Variants in GLDC observed in about 807,000 individuals in gnomAD.
The protein encoded by GLDC is glycine decarboxylase.
In GLDC, 104 loss-of-function variants were observed where a neutral mutation model predicts 121.3. The observed-to-expected ratio is 0.86, with a 90% CI of 0.73 to 1.01. The LOEUF is 1.01. Among genes scored for constraint, GLDC ranks in the 50% least tolerant of loss-of-function variants. GLDC has a pLI of 0.00. For synonymous variants in GLDC, 546 were observed against 480.6 expected, an observed-to-expected ratio of 1.14 and a Z score of -1.78; for missense variants, 1,429 against 1,306.6, an observed-to-expected ratio of 1.09 and a Z score of -1.44.
intron 3 of GLDC, among the ~76,000 whole-genome samples, chr9:6,611,321 GT>G (rs1355434286): frequency 1.3e-5 from 2 of 152,170 alleles, no homozygotes; most frequent in Non-Finnish European, 2.9e-5. Flanking sequence ...TACTTGGGAG[GT>G]CAAGGCGGGC....
At chr9:6,642,721 A>C (rs1372106799) in intron 2 of GLDC, among the ~76,000 whole-genome samples, 1 of 152,108 alleles carries the variant, frequency 6.6e-6, no homozygotes, top group African/African-American at 2.4e-5. Flanking sequence ...TGAAAAGAAC[A>C]CTTTATTTTA....
At chr9:6,610,784 C>T (rs543516061) in intron 3 of GLDC, among the ~76,000 whole-genome samples, 59 of 152,270 alleles carry the variant, frequency 3.9e-4, no homozygotes, top group African/African-American at 1.3e-3. Flanking sequence ...ATTCTTTGTA[C>T]AGCCAGGGTT....
intron 7 of GLDC, among the ~76,000 whole-genome samples, chr9:6,604,344 C>T (rs142087589): frequency 1.1e-4 from 17 of 152,090 alleles, no homozygotes; most frequent in Admixed American, 9.8e-4. Flanking sequence ...TAAGCAAATG[C>T]GTTACATGAC....
chr9:6,634,561 A>AC (rs1164717551), intron 2 of GLDC, among the ~76,000 whole-genome samples: 6 of 31,434 alleles, frequency 1.9e-4, no homozygotes, highest in Non-Finnish European at 2.7e-4. Flanking sequence ...ACAAAAAACA[A>AC]AAAAAAAACC....
intron 23 of GLDC, 55 bp from the exon 24 acceptor site, chr9:6,534,843 CCT>C: frequency 7.4e-6 from 7 of 941,002 alleles, no homozygotes; most frequent in South Asian, 1.3e-5. Flanking sequence ...CTCTTCTCCT[CCT>C]ACCCTGCACC....
At position 6,610,387 on chromosome 9, in the gene GLDC, C is replaced by A. The variant is rs753533072; in HGVS notation, c.471-31G>T. The A allele has an allele frequency of 3.7e-5, 59 of 1,611,350 alleles. 1 individual carries two copies. The South Asian group carries it at 6.4e-4, about 17-fold the overall frequency. ...AGGGAAACAAAAGGTCTTGTCCAAA[C>A]TGACTGCTGTTTAGAGAAGCACACA... On this transcript the variant is annotated intron_variant, in intron 3 of 24. Transcript: ENST00000321612.
At chr9:6,578,143 G>A (rs1248599266) in intron 15 of GLDC, among the ~76,000 whole-genome samples, 1 of 151,096 alleles carries the variant, frequency 6.6e-6, no homozygotes, top group Non-Finnish European at 1.5e-5. Flanking sequence ...TTTTTTTCGA[G>A]ACAGGATCTT....
chr9:6,638,924 G>A (rs867871022), intron 2 of GLDC, among the ~76,000 whole-genome samples: 11 of 152,008 alleles, frequency 7.2e-5, no homozygotes, highest in Admixed American at 2.6e-4. Flanking sequence ...CAGGAGAATC[G>A]CTTGAACCCA....
chr9:6,618,325 G>T (rs1394804203), intron 3 of GLDC, among the ~76,000 whole-genome samples: 1 of 152,124 alleles, frequency 6.6e-6, no homozygotes, highest in Non-Finnish European at 1.5e-5. Context: ...CCAGTGAACA[G>T]CAGAGGCAGA....
At chr9:6,607,683 G>A (rs115473638) in intron 4 of GLDC, among the ~76,000 whole-genome samples, 2,239 of 151,394 alleles carry the variant, frequency 0.015, 44 homozygotes, top group African/African-American at 0.051. Flanking sequence ...TCGGTCTATC[G>A]CTCAGGCTGG....
chr9:6,543,492 TAATACTACA>T (rs1304969080), intron 21 of GLDC, among the ~76,000 whole-genome samples: 2 of 152,198 alleles, frequency 1.3e-5, no homozygotes, highest in African/African-American at 2.4e-5. Flanking sequence ...ACAGCACTGC[TAATACTACA>T]GTGCCATCTG....
In GLDC at chr9:6,610,303, C is replaced by G. The variant is rs1818825734; in HGVS notation, c.524G>C (p.Ser175Thr). ...CACCATGGTCTGGTAGTTGAGTAAACTCTCCAGCCTCCCCTGAGACACCTC... is the reference window on the plus strand; with the variant it reads ...CACCATGGTCTGGTAGTTGAGTAAAGTCTCCAGCCTCCCCTGAGACACCTC... ...QPEVSQGRLE[S>T]LLNYQTMVCD... Residue 175 changes from serine (S) to threonine (T), a missense_variant, in exon 4 of 25, where the codon AGT (serine) becomes ACT (threonine). Ser to Thr is a moderately conservative substitution (Grantham distance 58, BLOSUM62 1). Transcript: ENST00000321612. 6.2e-7 allele frequency: 1 copy of G among 1,613,968 alleles called. No individual in the cohort carries two copies.
At chr9:6,589,163 C>T (rs770093640) in intron 12 of GLDC, 32 bp downstream of exon 12, 2 of 1,330,988 alleles carry the variant, frequency 1.5e-6, no homozygotes, top group East Asian at 4.6e-5. Flanking sequence ...TACCAAAGCA[C>T]AAAACGCAGA....
rs575919022 is a variant in GLDC, at chr9:6,603,048, T to G, written c.1059-843A>C. On this transcript the variant is annotated intron_variant, in intron 7 of 24. Coordinates refer to ENST00000321612, the MANE Select transcript of GLDC (RefSeq NM_000170.3). ...TTTGAGACCAGCCTGGCCAACATGG[T>G]GAAACCCCATCTCTACTAAAAATAC... Among the ~76,000 whole-genome samples the G allele has an allele frequency of 1.7e-4, 26 of 151,826 alleles. No homozygotes were observed. In the South Asian group the frequency reaches 5.4e-3, roughly 32 times the overall value.
chr9:6,550,964 A>T (rs765438728), intron 20 of GLDC, 50 bp from the exon 21 acceptor site: 18 of 1,233,856 alleles, frequency 1.5e-5, no homozygotes, highest in Non-Finnish European at 1.2e-6. Flanking sequence ...GCAAACACGA[A>T]TGTGAAGAAA....
rs575692469 is a variant in GLDC at position 6,634,390 on chromosome 9, A to G, written c.334+10224T>C. ...CAAAAAATACAAAATGTAGCCGGGC[A>G]TGGTAGCTCACGCCAGCAGTCCCAG... On this transcript the variant is annotated intron_variant, in intron 2 of 24. Coordinates refer to ENST00000321612, the MANE Select transcript of GLDC (RefSeq NM_000170.3). Among the ~76,000 whole-genome samples, 138 of 152,054 alleles carry G rather than the reference A, an allele frequency of 9.1e-4. 1 individual carries two copies. The South Asian group carries it at 0.011, about 13-fold the overall frequency.
rs1335607734 is a variant in GLDC, at chr9:6,533,140, G to A, written c.2940C>T (p.Asn980=). The change falls in exon 25 of 25, where the codon AAC becomes AAT. Residue 980 remains asparagine, a synonymous_variant. Coordinates refer to ENST00000321612, the MANE Select transcript of GLDC (RefSeq NM_000170.3). The part of the protein sequence containing the change: ...AFPLPFVKPE[N]KFWPTIARID... ...TCCGGGCAATCGTTGGCCAGAATTT[G>A]TTCTCTGGTTTCACGAAGGGCTGCA... 2 of 1,613,578 alleles carry A rather than the reference G, an allele frequency of 1.2e-6. No individual in the cohort carries two copies. The highest frequency in any genetic ancestry group is 3.3e-5 in the Admixed American group (2 of 60,006).
At chr9:6,537,495 C>T (rs1817155099) in intron 22 of GLDC, among the ~76,000 whole-genome samples, 1 of 152,194 alleles carries the variant, frequency 6.6e-6, no homozygotes, top group South Asian at 2.1e-4. Flanking sequence ...TAAAAATGTT[C>T]AGGCCAAGTG....
intron 23 of GLDC, among the ~76,000 whole-genome samples, chr9:6,535,511 A>G (rs1175761658): frequency 6.6e-6 from 1 of 152,026 alleles, no homozygotes; most frequent in African/African-American, 2.4e-5. Flanking sequence ...AGCCATGAAG[A>G]CACAACCACA....
Sources: allele counts gnomAD v4.1 joint callset (sites outside exome capture counted in the v4.1 genomes callset), GRCh38; gene constraint gnomAD v4.1.1; transcripts MANE v1.5; gene names NCBI Gene and HGNC (gene_info 2026-07-23, HGNC 2026-07-21).